The following NRG3 variants were observed in gnomAD, a reference collection of about 807,000 sequenced individuals.
NRG3 encodes the protein pro-neuregulin-3, membrane-bound isoform.
In NRG3, 31 loss-of-function variants were observed where a neutral mutation model predicts 66.9. The observed-to-expected ratio is 0.46, with a 90% confidence interval of 0.35 to 0.63. The LOEUF is 0.63. NRG3 is among the 20% of genes least tolerant of loss of function. The probability of loss-of-function intolerance (pLI) is 0.00; values close to 1 mark genes in which losing one functional copy is unlikely to be tolerated. For missense variants in NRG3, 910 were observed against 878.9 expected (o/e 1.04, Z -0.45); for synonymous variants, 393 against 359.4 (o/e 1.09, Z -1.06).
At chr10:82,579,908 T>G (rs555102198) in intron 2 of NRG3, among the ~76,000 whole-genome samples, 2 of 151,964 alleles carry the variant, frequency 1.3e-5, no homozygotes, top group Non-Finnish European at 2.9e-5. Flanking sequence ...GCTAAGAGCT[T>G]TGATAGAATA....
intron 3 of NRG3, among the ~76,000 whole-genome samples, chr10:82,742,485 G>A (rs942014189): frequency 6.6e-6 from 1 of 152,052 alleles, no homozygotes; most frequent in Non-Finnish European, 1.5e-5. Flanking sequence ...GACAGTTTTT[G>A]TAAATATATC....
chr10:82,111,522 C>T (rs1427435845), intron 1 of NRG3, among the ~76,000 whole-genome samples: 3 of 152,114 alleles, frequency 2.0e-5, no homozygotes, highest in Non-Finnish European at 2.9e-5. Flanking sequence ...AACATTCTGT[C>T]ATCTTTTAGA....
chr10:82,675,582 A>G (rs2053627365), intron 2 of NRG3, among the ~76,000 whole-genome samples: 1 of 152,222 alleles, frequency 6.6e-6, no homozygotes, highest in Non-Finnish European at 1.5e-5. Flanking sequence ...ACACCTTAGC[A>G]GAATTCAGCC....
rs561119597 is a variant in NRG3 at position 82,317,834 on chromosome 10, A to G, written c.824-40905A>G. Among the ~76,000 whole-genome samples the G allele has an allele frequency of 2.0e-5, 3 of 152,210 alleles. No individual in the cohort carries two copies. In the South Asian group the frequency reaches 6.2e-4, roughly 32 times the overall value. On this transcript the variant is annotated intron_variant, in intron 1 of 8. Coordinates refer to ENST00000372141, the MANE Select transcript of NRG3 (RefSeq NM_001010848.4). ...TCTGAAGATGATTTTGAGGGCTCCAAATTTAAAGAGGAAAGGGCAGGATAT... is the reference window on the plus strand; with the variant it reads ...TCTGAAGATGATTTTGAGGGCTCCAGATTTAAAGAGGAAAGGGCAGGATAT...
chr10:82,870,865 C>A (rs750210194), intron 4 of NRG3, among the ~76,000 whole-genome samples: 1 of 152,112 alleles, frequency 6.6e-6, no homozygotes, highest in South Asian at 2.1e-4. Flanking sequence ...TGTCATTCTG[C>A]GGCTTTTCCC....
At chr10:82,150,978 G>A (rs1452281023) in intron 1 of NRG3, among the ~76,000 whole-genome samples, 2 of 152,136 alleles carry the variant, frequency 1.3e-5, no homozygotes, top group Non-Finnish European at 2.9e-5. Flanking sequence ...TAGGAAAAAA[G>A]AAAAATGACA....
At chr10:82,567,367 G>T (rs1017588119) in intron 2 of NRG3, among the ~76,000 whole-genome samples, 1 of 151,900 alleles carries the variant, frequency 6.6e-6, no homozygotes, top group African/African-American at 2.4e-5. Context: ...TTTATCAAAT[G>T]AATCTTTAAC....
intron 4 of NRG3, among the ~76,000 whole-genome samples, chr10:82,903,045 A>G (rs1844383879): frequency 6.6e-6 from 1 of 152,148 alleles, no homozygotes; most frequent in South Asian, 2.1e-4. Flanking sequence ...ACTACCATAA[A>G]ATATGCACAA....
chr10:82,665,103 C>A (rs1160223784), intron 2 of NRG3, among the ~76,000 whole-genome samples: 1 of 152,008 alleles, frequency 6.6e-6, no homozygotes, highest in Non-Finnish European at 1.5e-5. Flanking sequence ...TTTTCATTCC[C>A]AGCCATTGTT....
chr10:82,548,045 T>G (rs2044047191), intron 2 of NRG3, among the ~76,000 whole-genome samples: 2 of 150,622 alleles, frequency 1.3e-5, no homozygotes, highest in Non-Finnish European at 3.0e-5. Context: ...CCACGTTTTT[T>G]TTTTTTTTTT....
chr10:82,508,216 G>T (rs1388121736), intron 2 of NRG3, among the ~76,000 whole-genome samples: 1 of 152,176 alleles, frequency 6.6e-6, no homozygotes, highest in Non-Finnish European at 1.5e-5. Flanking sequence ...ATCTGGCATG[G>T]AATGCATTGT....
chr10:82,144,820 A>G (rs998317942), intron 1 of NRG3, among the ~76,000 whole-genome samples: 41 of 152,184 alleles, frequency 2.7e-4, no homozygotes, highest in African/African-American at 9.9e-4. Flanking sequence ...GGGGATACTG[A>G]AGCATCTAAT....
At chr10:82,981,065 A>G (rs926821346) in intron 8 of NRG3, among the ~76,000 whole-genome samples, 5 of 152,120 alleles carry the variant, frequency 3.3e-5, no homozygotes, top group Admixed American at 6.5e-5. Flanking sequence ...TTTTTTTTCT[A>G]TTGGGCACTG....
rs141884083 is a variant in NRG3, at chr10:82,604,659, A to G, written c.954-133918A>G. Among the ~76,000 whole-genome samples, 353 of 152,252 alleles carry G rather than the reference A, an allele frequency of 2.3e-3. 4 individuals are homozygous for G. The East Asian group carries it at 0.041, about 18-fold the overall frequency. ...GGAGAAATAAGAGACAAATAGATCAATAAAACAAAATAGAGAACCAAGAAA... is the reference window on the plus strand; with the variant it reads ...GGAGAAATAAGAGACAAATAGATCAGTAAAACAAAATAGAGAACCAAGAAA... On this transcript the variant is annotated intron_variant, in intron 2 of 8. Transcript: ENST00000372141.
chr10:82,737,457 C>G (rs778658346), intron 2 of NRG3, among the ~76,000 whole-genome samples: 5 of 152,198 alleles, frequency 3.3e-5, no homozygotes, highest in Non-Finnish European at 5.9e-5. Flanking sequence ...TGGTTCCTGT[C>G]TCTTGACAGA....
At chr10:81,958,467 A>G (rs1850046584) in intron 1 of NRG3, among the ~76,000 whole-genome samples, 1 of 152,256 alleles carries the variant, frequency 6.6e-6, no homozygotes, top group South Asian at 2.1e-4. Flanking sequence ...CTGTCCAAGA[A>G]AAACTTGAAA....
chr10:81,992,515 T>C (rs1425598976), intron 1 of NRG3, among the ~76,000 whole-genome samples: 1 of 152,226 alleles, frequency 6.6e-6, no homozygotes, highest in Non-Finnish European at 1.5e-5. Flanking sequence ...TAATGTGTTC[T>C]CTTAAGCTCA....
intron 2 of NRG3, among the ~76,000 whole-genome samples, chr10:82,448,764 G>A (rs1177297376): frequency 5.3e-5 from 8 of 151,904 alleles, no homozygotes; most frequent in Non-Finnish European, 8.8e-5. Context: ...TGGTGAATTC[G>A]TATACATATA....
In NRG3 at chr10:81,928,504, G is replaced by A. The variant is rs566214947; in HGVS notation, c.823+52341G>A. On this transcript the variant is annotated intron_variant, in intron 1 of 8. Transcript: ENST00000372141. The stretch of plus-strand genomic sequence containing the variant: ...TAGCTGTATAAAAATCCATCATAAA[G>A]AATTGAGTGCTTTATTTTAAAACAT... Among the ~76,000 whole-genome samples the A allele has an allele frequency of 2.6e-5, 4 of 152,226 alleles. No homozygotes were observed. In the South Asian group the frequency reaches 8.3e-4, roughly 32 times the overall value.
Sources: allele counts gnomAD v4.1 joint callset (sites outside exome capture counted in the v4.1 genomes callset), GRCh38; gene constraint gnomAD v4.1.1; transcripts MANE v1.5; gene names NCBI Gene and HGNC (gene_info 2026-07-23, HGNC 2026-07-21).